Variants in ABCA8 observed in about 807,000 individuals in gnomAD.
ABCA8 encodes the protein ABC-type organic anion transporter ABCA8.
Under a neutral mutation model 192.3 loss-of-function variants are expected in ABCA8, and 177 were observed. That is an observed-to-expected ratio of 0.92 (90% CI 0.81 to 1.04). The LOEUF (loss-of-function observed/expected upper bound fraction) is 1.04, where lower values mean the gene tolerates loss of function less well. ABCA8 is among the 50% of genes least tolerant of loss of function. The pLI is 0.00. For missense variants in ABCA8, 1,915 were observed against 1,904.8 expected, an observed-to-expected ratio of 1.01 and a Z score of -0.10; for synonymous variants, 642 against 690.2, an observed-to-expected ratio of 0.93 and a Z score of 1.09.
At chr17:68,908,812 T>C (rs2067160133) in intron 17 of ABCA8, among the ~76,000 whole-genome samples, 1 of 152,222 alleles carries the variant, frequency 6.6e-6, no homozygotes, top group Admixed American at 6.5e-5. Flanking sequence ...GAACGTGTTA[T>C]TTAACTTATC....
Position 68,924,759 on chromosome 17 carries a change from A to G in ABCA8, c.1384T>C (p.Ser462Pro), listed in dbSNP as rs750366754. 6.2e-7 allele frequency: 1 copy of G among 1,614,114 alleles called. No homozygotes were observed. The highest frequency in any genetic ancestry group is 8.5e-7 in the Non-Finnish European group (1 of 1,179,980). The change falls in exon 11 of 40, where the codon TCA (serine) becomes CCA (proline). Residue 462 changes from serine to proline, a missense_variant. Physicochemically the swap from Ser to Pro is moderately conservative, Grantham distance 74. Transcript: ENST00000586539. ...ALEDEMDADP[S>P]FHDSFEQAPP... is the part of the protein sequence containing the mutation. ...GCTTGTTCAAAAGAGTCATGAAATGAAGGATCGGCATCCATTTCATCTTCA... is the reference window on the plus strand; with the variant it reads ...GCTTGTTCAAAAGAGTCATGAAATGGAGGATCGGCATCCATTTCATCTTCA...
intron 9 of ABCA8, among the ~76,000 whole-genome samples, chr17:68,928,536 A>G (rs1191875490): frequency 6.6e-6 from 1 of 152,212 alleles, no homozygotes; most frequent in East Asian, 1.9e-4. Flanking sequence ...GTTAAACACT[A>G]AATAATGGAT....
chr17:68,944,316 TTATATATATATA>T (rs1177610587), intron 2 of ABCA8, among the ~76,000 whole-genome samples: 60 of 29,288 alleles, frequency 2.0e-3, no homozygotes, highest in South Asian at 6.4e-3. Context: ...GAACTTAAAG[TTATATATATATA>T]TATATATATA....
At chr17:68,869,877 G>T (rs560823181) in intron 37 of ABCA8, 98 bp from the exon 38 acceptor site, 2 of 814,764 alleles carry the variant, frequency 2.5e-6, no homozygotes, top group Non-Finnish European at 4.1e-6. Flanking sequence ...TTTAAAAAAT[G>T]GTGTTAGGAA....
At chr17:68,935,778 CA>C (rs1393246930) in intron 5 of ABCA8, among the ~76,000 whole-genome samples, 1 of 151,606 alleles carries the variant, frequency 6.6e-6, no homozygotes, top group African/African-American at 2.4e-5. Context: ...TACTGTTGTC[CA>C]TAAAGGTTGT....
intron 5 of ABCA8, 26 bp from the exon 6 acceptor site, chr17:68,933,297 A>T: frequency 7.4e-7 from 1 of 1,354,208 alleles, no homozygotes; most frequent in Non-Finnish European, 1.1e-6. Context: ...AATCATAACT[A>T]TCATTACATC....
Position 68,869,779 on chromosome 17 carries a change from C to A in ABCA8, c.4632G>T (p.Arg1544Ser). The A allele has an allele frequency of 6.2e-7, 1 of 1,609,452 alleles. No individual in the cohort carries two copies. Among genetic ancestry groups the A allele is most frequent in the Non-Finnish European group, 8.5e-7 (1 of 1,176,036 alleles). The change falls in exon 38 of 40, where the codon AGG (arginine) becomes AGT (serine). Residue 1544 changes from arginine (R) to serine (S), a missense_variant and splice_region_variant. Coordinates refer to ENST00000586539, the MANE Select transcript of ABCA8 (RefSeq NM_001288985.2). ...RLFPQAARQE[R>S]YSSLMVYKLP... is the part of the protein sequence containing the mutation. ...ACTTATAAACCATCAGAGAGGAGTA[C>A]CTGAGAGAAAAGGAGAGGTAAGAAG...
chr17:68,934,443 A>C (rs1598281920), intron 5 of ABCA8, among the ~76,000 whole-genome samples: 2 of 152,166 alleles, frequency 1.3e-5, no homozygotes, highest in Non-Finnish European at 2.9e-5. Flanking sequence ...TGTATTTCTC[A>C]CTCAGGCTAC....
chr17:68,944,359 T>TATATACACAC (rs765731645), intron 2 of ABCA8, among the ~76,000 whole-genome samples: 29 of 69,462 alleles, frequency 4.2e-4, no homozygotes, highest in Non-Finnish European at 6.4e-4. Context: ...TATATATATA[T>TATATACACAC]ACACATATAC....
At chr17:68,929,440 T>C in intron 8 of ABCA8, 121 bp downstream of exon 8, 1 of 1,261,832 alleles carries the variant, frequency 7.9e-7, no homozygotes, top group Non-Finnish European at 1.1e-6. Context: ...TACCTGTTTA[T>C]AGATTTTTCA....
Position 68,881,979 on chromosome 17 carries a change from T to G in ABCA8, c.3830A>C (p.Lys1277Thr). Residue 1277 changes from lysine (K) to threonine (T), a missense_variant and splice_region_variant, in exon 31 of 40, where the codon AAG becomes ACG. Lys to Thr is a moderately conservative substitution (Grantham distance 78, BLOSUM62 -1). Transcript: ENST00000586539. ...TAGACAGCTGGCAATGATGACTGGC[T>G]TCTGTAAATGACAAGAAGTTATTAT... is the stretch of plus-strand genomic sequence containing the variant. ...NALNSTNFDEKPVIIASCLRK... is the reference protein window; with the variant it reads ...NALNSTNFDETPVIIASCLRK... 1 of 1,612,018 alleles carries G rather than the reference T, an allele frequency of 6.2e-7. No homozygotes were observed. The highest frequency in any genetic ancestry group is 8.5e-7 in the Non-Finnish European group (1 of 1,178,372).
intron 21 of ABCA8, among the ~76,000 whole-genome samples, chr17:68,899,355 A>G (rs1435720079): frequency 6.6e-6 from 1 of 152,104 alleles, no homozygotes; most frequent in Non-Finnish European, 1.5e-5. Flanking sequence ...ATCAAATTAA[A>G]TTTACAGGAG....
rs1416379139 is a variant in ABCA8 at position 68,933,291 on chromosome 17, A to G, written c.467-20T>C. On this transcript the variant is annotated intron_variant, in intron 5 of 39. Transcript: ENST00000586539. ...AATGAGCTTTGTGAAAAAACAAATC[A>G]TAACTATCATTACATCACTATCTAT... 1 of 1,438,676 alleles carries G rather than the reference A, an allele frequency of 7.0e-7. No individual in the cohort carries two copies. Among genetic ancestry groups the G allele is most frequent in the East Asian group, 2.3e-5 (1 of 43,926 alleles). The allele number at this position is 1,438,676 out of a possible 1,614,324, so 89.1% of individuals were successfully genotyped here. A position where few individuals can be genotyped will look rare whatever the true frequency, so the allele number is the denominator to read the frequency against.
At chr17:68,890,765 C>T (rs1289273709) in intron 24 of ABCA8, among the ~76,000 whole-genome samples, 6 of 152,206 alleles carry the variant, frequency 3.9e-5, no homozygotes, top group Admixed American at 3.9e-4. Flanking sequence ...GTGATCCGCC[C>T]ACCTCGGTTT....
At position 68,898,170 on chromosome 17, in the gene ABCA8, T is replaced by C. The variant is rs111629644; in HGVS notation, c.2765-3157A>G. 7.7e-3 allele frequency among the ~76,000 whole-genome samples: 1,173 copies of C among 152,140 alleles called. 17 individuals are homozygous for C. Among genetic ancestry groups the C allele is most frequent in the African/African-American group, 0.027 (1,115 of 41,524 alleles). ...CAAAGGAAGCCAGAACACAGTAAAA[T>C]GACATATTCAAAGTACTGAAAAAAA... On this transcript the variant is annotated intron_variant, in intron 21 of 39. Transcript: ENST00000586539.
chr17:68,913,491 C>A (rs570955118), intron 17 of ABCA8, among the ~76,000 whole-genome samples: 2 of 149,874 alleles, frequency 1.3e-5, no homozygotes, highest in South Asian at 2.1e-4. Flanking sequence ...TTTAGCCAGA[C>A]TAAAAAAAAG....
intron 37 of ABCA8, 48 bp from the exon 38 acceptor site, chr17:68,869,827 G>C: frequency 8.1e-7 from 1 of 1,234,526 alleles, no homozygotes; most frequent in Non-Finnish European, 1.2e-6. Flanking sequence ...TGTGCCAGAT[G>C]TGAACTGATG....
At chr17:68,882,491 A>G in intron 30 of ABCA8, 108 bp downstream of exon 30, 1 of 973,828 alleles carries the variant, frequency 1.0e-6, no homozygotes, top group South Asian at 2.6e-5. Context: ...AATGGCAATT[A>G]CCTACTAAAA....
At chr17:68,950,983 T>C (rs957483283) in intron 1 of ABCA8, among the ~76,000 whole-genome samples, 2 of 152,046 alleles carry the variant, frequency 1.3e-5, no homozygotes, top group Non-Finnish European at 2.9e-5. Context: ...TTTTTGTTTC[T>C]TCCATTGCTG....
Sources: gnomAD v4.1 joint callset for allele counts (sites outside exome capture counted in the v4.1 genomes callset) on GRCh38, gnomAD v4.1.1 for gene constraint, MANE v1.5 for transcripts, NCBI Gene and HGNC (gene_info 2026-07-23, HGNC 2026-07-21) for gene names.